Variants in HYDIN observed in about 807,000 individuals in gnomAD.
The protein encoded by HYDIN is HYDIN axonemal central pair apparatus protein, also known as axonemal central pair apparatus protein HYDIN.
A neutral mutation model predicts 403.9 loss-of-function variants in HYDIN; 132 were observed. The ratio of observed to expected loss-of-function variants is 0.33; its 90% CI spans 0.28 to 0.38. The LOEUF (loss-of-function observed/expected upper bound fraction) is 0.38. HYDIN is among the 10% of genes least tolerant of loss of function. The probability of loss-of-function intolerance (pLI) is 1.00; values close to 1 mark genes in which losing one functional copy is unlikely to be tolerated. For missense variants in HYDIN, 2,827 were observed against 5,009.5 expected (o/e 0.56, Z 13.15); for synonymous variants, 1,202 against 1,891.7 (o/e 0.64, Z 9.46).
chr16:70,835,466 G>A (rs111380474), intron 78 of HYDIN, among the ~76,000 whole-genome samples: 56 of 152,150 alleles, frequency 3.7e-4, no homozygotes, highest in Non-Finnish European at 7.6e-4. Flanking sequence ...AATAATGTTC[G>A]TTTTCACAAA....
chr16:71,062,567 G>C (rs755696033), intron 16 of HYDIN: 3 of 441,700 alleles, frequency 6.8e-6, no homozygotes, highest in Admixed American at 7.8e-5. Flanking sequence ...AGAATTATCC[G>C]CAACTCAAAT....
At chr16:71,112,888 T>C (rs996805642) in intron 10 of HYDIN, among the ~76,000 whole-genome samples, 8 of 152,094 alleles carry the variant, frequency 5.3e-5, no homozygotes, top group Admixed American at 2.6e-4. Flanking sequence ...CAGGCTTAAG[T>C]GTATTATTTA....
intron 21 of HYDIN, among the ~76,000 whole-genome samples, chr16:71,022,560 G>C (rs927471620): frequency 2.4e-4 from 37 of 151,952 alleles, no homozygotes; most frequent in Admixed American, 2.0e-3. Context: ...CTGAAATCAG[G>C]GAGACAGAAC....
At chr16:71,152,294 A>G (rs2085568053) in intron 7 of HYDIN, among the ~76,000 whole-genome samples, 2 of 151,704 alleles carry the variant, frequency 1.3e-5, no homozygotes, top group Admixed American at 6.6e-5. Flanking sequence ...ACCATTTCCT[A>G]TTCAGCTTTA....
At chr16:71,030,151 A>G (rs1381980381) in intron 19 of HYDIN, among the ~76,000 whole-genome samples, 1 of 152,142 alleles carries the variant, frequency 6.6e-6, no homozygotes, top group African/African-American at 2.4e-5. Context: ...CCCGGGTACA[A>G]GCAATCCTCT....
chr16:71,175,158 TACC>T (rs952543040), intron 5 of HYDIN, among the ~76,000 whole-genome samples: 24 of 142,368 alleles, frequency 1.7e-4, no homozygotes, highest in South Asian at 1.6e-3. Flanking sequence ...GTGACAACAA[TACC>T]ACCACCATCT....
intron 10 of HYDIN, among the ~76,000 whole-genome samples, chr16:71,095,971 TTTAACATATCA>T (rs1324535041): frequency 8.2e-6 from 1 of 121,652 alleles, no homozygotes; most frequent in African/African-American, 3.2e-5. Context: ...TTTGGAACAT[TTTAACATATCA>T]TTAACATATC....
chr16:70,853,011 TA>T (rs77008189), intron 73 of HYDIN, among the ~76,000 whole-genome samples: 123,791 of 131,090 alleles, frequency 0.94, 58,445 homozygotes, highest in East Asian at 0.99. Context: ...CCATCTCTAC[TA>T]AAAAAAAAAA....
rs1175223822 is a variant in HYDIN at position 70,832,984 on chromosome 16, G to C, written c.13763C>G (p.Ser4588Cys). The stretch of plus-strand genomic sequence containing the variant: ...GGTGGGATGGTAGGTCACTTCAAAA[G>C]AAACCTCCATGCCTGAGGTAATATA... Reference protein sequence around the residue: ...EGYITSGMEVSFEVTYHPTEV... With the variant: ...EGYITSGMEVCFEVTYHPTEV... The change falls in exon 80 of 86, where the codon TCT (serine) becomes TGT (cysteine). Residue 4588 changes from serine (S) to cysteine (C), a missense_variant. Physicochemically the swap from Ser to Cys is moderately radical, Grantham distance 112. Transcript: ENST00000393567. The C allele has an allele frequency of 1.2e-6, 2 of 1,614,102 alleles. No homozygotes were observed. Among genetic ancestry groups the C allele is most frequent in the African/African-American group, 1.3e-5 (1 of 74,948 alleles).
At chr16:71,054,370 A>C (rs548373552) in intron 18 of HYDIN, among the ~76,000 whole-genome samples, 41 of 152,386 alleles carry the variant, frequency 2.7e-4, no homozygotes, top group Admixed American at 7.8e-4. Flanking sequence ...AAGCCTGAGA[A>C]ACAGCCCATT....
At chr16:71,053,013 A>G (rs2081716166) in intron 18 of HYDIN, among the ~76,000 whole-genome samples, 1 of 151,816 alleles carries the variant, frequency 6.6e-6, no homozygotes, top group Admixed American at 6.6e-5. Flanking sequence ...AAGGGCTAGT[A>G]TCCACAATAT....
rs185787147 is a variant in HYDIN, at chr16:71,115,656, G to A, written c.1327+40C>T. ...AGGCACCACACTTCATGCTCTGGGT[G>A]CCTGGTAACCTGAGTTTACCACTTG... is the stretch of plus-strand genomic sequence containing the variant. On this transcript the variant is annotated intron_variant, in intron 10 of 85. Transcript: ENST00000393567. The A allele has an allele frequency of 5.7e-4, 495 of 875,954 alleles. 4 individuals carry two copies. In the African/African-American group the frequency reaches 7.1e-3, roughly 13 times the overall value. The allele number at this position is 875,954 out of a possible 1,614,324, so 54.3% of individuals were successfully genotyped here. A position where few individuals can be genotyped will look rare whatever the true frequency, so the allele number is the denominator to read the frequency against.
At position 70,897,894 on chromosome 16, in the gene HYDIN, T is replaced by G. The variant is rs1293338373; in HGVS notation, c.9049-1814A>C. On this transcript the variant is annotated intron_variant, in intron 53 of 85. Transcript: ENST00000393567. ...GTGAAAATACAAAAATGTGGCCGGTTGCAGTGGCTCACGCCTATAATCCCA... is the reference window on the plus strand; with the variant it reads ...GTGAAAATACAAAAATGTGGCCGGTGGCAGTGGCTCACGCCTATAATCCCA... Among the ~76,000 whole-genome samples the G allele has an allele frequency of 1.3e-5, 2 of 151,766 alleles. 1 individual carries two copies. Among genetic ancestry groups the G allele is most frequent in the Non-Finnish European group, 2.9e-5 (2 of 67,938 alleles).
chr16:71,118,566 CAA>C (rs1456225990), intron 9 of HYDIN, among the ~76,000 whole-genome samples: 9 of 152,330 alleles, frequency 5.9e-5, no homozygotes, highest in African/African-American at 1.9e-4. Context: ...TCCAGAACCT[CAA>C]AAGTCACACA....
Position 70,884,033 on chromosome 16 carries a change from G to A in HYDIN, c.9866C>T (p.Ala3289Val). 6.2e-7 allele frequency: 1 copy of A among 1,614,144 alleles called. No homozygotes were observed. Among genetic ancestry groups the A allele is most frequent in the Non-Finnish European group, 8.5e-7 (1 of 1,180,028 alleles). ...GQQVINVDCV[A>V]DAMGKCEEFI... ...CTCCTCACACTTTCCCATGGCGTCA[G>A]CCACACAGTCAACGTTGATGACCTG... The change falls in exon 59 of 86, where the codon GCT (alanine) becomes GTT (valine). Residue 3289 changes from alanine (A) to valine (V), a missense_variant. Physicochemically the swap from Ala to Val is moderately conservative, Grantham distance 64. Transcript: ENST00000393567.
chr16:70,951,052 C>T (rs1033669011), intron 41 of HYDIN, among the ~76,000 whole-genome samples: 4 of 152,080 alleles, frequency 2.6e-5, no homozygotes, highest in African/African-American at 9.7e-5. Context: ...CTGGGCAACA[C>T]AGCGAGATCC....
rs368352014 is a variant in HYDIN, at chr16:70,809,882, C to T, written c.14784G>A (p.Pro4928=). Residue 4928 remains proline, a synonymous_variant, in exon 85 of 86, where the codon CCG becomes CCA. Coordinates refer to ENST00000393567, the MANE Select transcript of HYDIN (RefSeq NM_001270974.2). ...CAGTCTGGAAGTGAACAGGCTTTTCCGGAAGTGCTGGCGTGGCTTTCAGAT... is the reference window on the plus strand; with the variant it reads ...CAGTCTGGAAGTGAACAGGCTTTTCTGGAAGTGCTGGCGTGGCTTTCAGAT... The part of the protein sequence containing the change: ...ELYLKATPAL[P]EKPVHFQTVL... 76 of 1,614,024 alleles carry T rather than the reference C, an allele frequency of 4.7e-5. No homozygotes were observed. The highest frequency in any genetic ancestry group is 1.8e-4 in the East Asian group (8 of 44,896).
chr16:70,892,074 C>T (rs992576679), intron 56 of HYDIN, among the ~76,000 whole-genome samples, 190 bp from the exon 57 acceptor site: 1 of 152,126 alleles, frequency 6.6e-6, no homozygotes, highest in African/African-American at 2.4e-5. Flanking sequence ...GCCAACTTTT[C>T]CTCATGTTTT....
In HYDIN at chr16:70,943,957, G is replaced by A. The variant is rs144493779; in HGVS notation, c.6532-8C>T. ...GAGAGGGCTGGAGGAAATCTGTTGA[G>A]TGGGAGAAGGATCAGGAGTCAGAAT... is the stretch of plus-strand genomic sequence containing the variant. On this transcript the variant is annotated splice_polypyrimidine_tract_variant and splice_region_variant and intron_variant, in intron 41 of 85. Transcript: ENST00000393567. The A allele has an allele frequency of 6.3e-6, 10 of 1,588,304 alleles. No individual in the cohort carries two copies. The African/African-American group carries it at 1.1e-4, about 17-fold the overall frequency.
Sources: gnomAD v4.1 joint callset for allele counts (sites outside exome capture counted in the v4.1 genomes callset) on GRCh38, gnomAD v4.1.1 for gene constraint, MANE v1.5 for transcripts, NCBI Gene and HGNC (gene_info 2026-07-23, HGNC 2026-07-21) for gene names.